Variants in BLTP1 observed in about 807,000 individuals in gnomAD.
The protein encoded by BLTP1 is bridge-like lipid transfer protein family member 1, also known as fragile site-associated protein.
the BLTP1 span, chr4:122,298,162 A>G: frequency 1.4e-6 from 1 of 734,630 alleles, no homozygotes; most frequent in South Asian, 6.2e-5. Context: ...CTTATTACTT[A>G]GATAAAATAC....
At chr4:122,173,295 G>C in the BLTP1 span, 1 of 907,090 alleles carries the variant, frequency 1.1e-6, no homozygotes, top group Non-Finnish European at 1.7e-6. Flanking sequence ...CTGGAGGCTG[G>C]GAAGTCCCAA....
the BLTP1 span, chr4:122,237,334 A>G: frequency 3.0e-6 from 3 of 985,380 alleles, no homozygotes; most frequent in Non-Finnish European, 3.6e-6. Context: ...CTCTTTATGA[A>G]ACTGTGAAAC....
chr4:122,171,630 G>A, the BLTP1 span, among the ~76,000 whole-genome samples: 1 of 129,302 alleles, frequency 7.7e-6, no homozygotes, highest in African/African-American at 2.9e-5. Context: ...TAATTTATAT[G>A]GGTTACACAG....
chr4:122,315,180 G>T, the BLTP1 span, among the ~76,000 whole-genome samples: 9 of 152,192 alleles, frequency 5.9e-5, no homozygotes, highest in Non-Finnish European at 7.4e-5. Context: ...TGTCTAATGA[G>T]CTAAGGTCAT....
the BLTP1 span, chr4:122,226,529 G>A: frequency 5.7e-4 from 805 of 1,423,474 alleles, 1 homozygote; most frequent in Middle Eastern, 1.5e-3. Flanking sequence ...ACATAAGCAT[G>A]TAAATGATAT....
At chr4:122,167,848 C>T in the BLTP1 span, 4 of 985,282 alleles carry the variant, frequency 4.1e-6, no homozygotes, top group African/African-American at 7.0e-5. Flanking sequence ...TTGAACTGTT[C>T]AGGAAGGGTA....
the BLTP1 span, chr4:122,161,219 A>T: frequency 1.6e-6 from 1 of 634,494 alleles, no homozygotes; most frequent in Non-Finnish European, 2.0e-6. Flanking sequence ...AGGTCCAAAG[A>T]TTGTGATTTC....
At chr4:122,167,466 G>A in the BLTP1 span, among the ~76,000 whole-genome samples, 30 of 152,098 alleles carry the variant, frequency 2.0e-4, no homozygotes, top group Non-Finnish European at 1.0e-4. Flanking sequence ...CCTATGCCAG[G>A]CAGCCTTCTT....
At chr4:122,192,699 A>G in the BLTP1 span, among the ~76,000 whole-genome samples, 4 of 152,098 alleles carry the variant, frequency 2.6e-5, no homozygotes, top group African/African-American at 9.7e-5. Flanking sequence ...TTGATCCCCT[A>G]CTATATGCCA....
chr4:122,226,671 T>C, the BLTP1 span: 3 of 1,611,626 alleles, frequency 1.9e-6, no homozygotes, highest in African/African-American at 4.0e-5. Flanking sequence ...TTTAGAATGC[T>C]AACAGTGTTG....
the BLTP1 span, chr4:122,224,126 T>TTTAAAAATATTTTAATCTCA: frequency 1.0e-6 from 1 of 966,350 alleles, no homozygotes; most frequent in Middle Eastern, 5.3e-4. Flanking sequence ...TTGTCTTCCT[T>TTTAAAAATATTTTAATCTCA]TTAAAAATAT....
At chr4:122,316,326 A>T in the BLTP1 span, 1 of 445,104 alleles carries the variant, frequency 2.2e-6, no homozygotes. Flanking sequence ...TTTTAAATTT[A>T]ATATTACTGT....
At chr4:122,244,590 A>T in the BLTP1 span, 2 of 923,106 alleles carry the variant, frequency 2.2e-6, no homozygotes, top group Non-Finnish European at 2.6e-6. Flanking sequence ...AAAAATGAGA[A>T]TGGAACATAA....
chr4:122,346,469 G>A, the BLTP1 span: 3 of 985,022 alleles, frequency 3.0e-6, no homozygotes, highest in Non-Finnish European at 3.6e-6. Context: ...GTGTTAGAAT[G>A]TGCTGTTTTT....
At chr4:122,303,220 C>CT in the BLTP1 span, among the ~76,000 whole-genome samples, 7 of 152,212 alleles carry the variant, frequency 4.6e-5, no homozygotes, top group Non-Finnish European at 8.8e-5. Context: ...CGCTAAATCT[C>CT]TGCCTATGCT....
chr4:122,296,570 T>A, the BLTP1 span, among the ~76,000 whole-genome samples: 1 of 152,178 alleles, frequency 6.6e-6, no homozygotes, highest in East Asian at 1.9e-4. Context: ...AAAACTATTT[T>A]AAAATTCACA....
At chr4:122,292,243 C>A in the BLTP1 span, 2 of 581,660 alleles carry the variant, frequency 3.4e-6, no homozygotes, top group Non-Finnish European at 4.3e-6. Flanking sequence ...GCTGGGATTA[C>A]AGGCGTGAGC....
the BLTP1 span, chr4:122,346,040 A>G: frequency 8.6e-5 from 85 of 983,914 alleles, no homozygotes; most frequent in Admixed American, 1.6e-3. Flanking sequence ...GGGTATCGCT[A>G]TGTAGGTATG....
At chr4:122,231,077 G>C in the BLTP1 span, among the ~76,000 whole-genome samples, 1 of 152,060 alleles carries the variant, frequency 6.6e-6, no homozygotes, top group African/African-American at 2.4e-5. Context: ...TAAATATTTA[G>C]ATTGTTTCTA....
Sources: gnomAD v4.1 joint callset for allele counts (sites outside exome capture counted in the v4.1 genomes callset) on GRCh38, gnomAD v4.1.1 for gene constraint, MANE v1.5 for transcripts, NCBI Gene and HGNC (gene_info 2026-07-23, HGNC 2026-07-21) for gene names.